Variants in ACVR1 observed in about 807,000 individuals in gnomAD.
The protein encoded by ACVR1 is activin A receptor type 1.
ACVR1 carries 38 observed loss-of-function variants against 57.1 expected under a neutral mutation model. The observed-to-expected ratio is 0.67, with a 90% CI of 0.51 to 0.87. The LOEUF (loss-of-function observed/expected upper bound fraction) is 0.87, where lower values mean the gene tolerates loss of function less well. Ranked by LOEUF, ACVR1 falls within the 40% of genes least tolerant of loss-of-function variation. The pLI is 0.00. For missense variants in ACVR1, 463 were observed against 638.2 expected, an observed-to-expected ratio of 0.73 and a Z score of 2.96; for synonymous variants, 212 against 228.1, an observed-to-expected ratio of 0.93 and a Z score of 0.63.
intron 5 of ACVR1, among the ~76,000 whole-genome samples, chr2:157,776,604 C>T (rs1686297047): frequency 6.6e-6 from 1 of 152,048 alleles, no homozygotes; most frequent in Admixed American, 6.5e-5. Flanking sequence ...TTTTACATAC[C>T]AAAAAGTGGC....
chr2:157,867,624 C>T (rs996786168), intron 1 of ACVR1, among the ~76,000 whole-genome samples: 2 of 151,742 alleles, frequency 1.3e-5, no homozygotes, highest in Non-Finnish European at 2.9e-5. Flanking sequence ...AGCAGCTGGA[C>T]ATTTCGATTT....
chr2:157,754,293 A>T (rs115908474), intron 9 of ACVR1, among the ~76,000 whole-genome samples: 2,813 of 152,274 alleles, frequency 0.018, 79 homozygotes, highest in African/African-American at 0.061. Context: ...GAAACAAAAA[A>T]TACAAAAGAT....
intron 1 of ACVR1, chr2:157,819,309 C>A (rs930637639): frequency 6.6e-6 from 1 of 151,804 alleles, no homozygotes; most frequent in Non-Finnish European, 1.5e-5. Flanking sequence ...AGTGAAACCC[C>A]GTCTGTACTA....
At chr2:157,826,014 G>A (rs552400158) in intron 1 of ACVR1, among the ~76,000 whole-genome samples, 1 of 152,290 alleles carries the variant, frequency 6.6e-6, no homozygotes, top group South Asian at 2.1e-4. Context: ...TGAGACATCC[G>A]TGTTGTAACT....
intron 1 of ACVR1, among the ~76,000 whole-genome samples, chr2:157,846,297 A>G (rs1268974911): frequency 6.6e-6 from 1 of 152,214 alleles, no homozygotes; most frequent in Non-Finnish European, 1.5e-5. Flanking sequence ...GGAAGAAAGT[A>G]AATTTGTGCT....
At chr2:157,776,631 C>G (rs1016132047) in intron 5 of ACVR1, among the ~76,000 whole-genome samples, 1 of 152,212 alleles carries the variant, frequency 6.6e-6, no homozygotes, top group Middle Eastern at 3.2e-3. Flanking sequence ...ATGGATGGGG[C>G]AGGCAGTAGA....
intron 9 of ACVR1, among the ~76,000 whole-genome samples, chr2:157,748,007 T>C (rs1282135632): frequency 6.6e-6 from 1 of 152,118 alleles, no homozygotes; most frequent in Non-Finnish European, 1.5e-5. Flanking sequence ...TAGAAAACAA[T>C]CAAAACATTC....
intron 3 of ACVR1, among the ~76,000 whole-genome samples, chr2:157,798,015 C>T (rs1481889592): frequency 6.6e-6 from 1 of 152,178 alleles, no homozygotes; most frequent in African/African-American, 2.4e-5. Flanking sequence ...ACTTCCCAGC[C>T]TCCAGGACTG....
chr2:157,795,095 A>G (rs1298237245), intron 3 of ACVR1, among the ~76,000 whole-genome samples: 2 of 152,098 alleles, frequency 1.3e-5, no homozygotes, highest in Non-Finnish European at 2.9e-5. Context: ...GCTTCATTAC[A>G]GCACAATTAA....
intron 1 of ACVR1, chr2:157,875,474 C>T (rs1181278591): frequency 1.4e-5 from 2 of 141,770 alleles, no homozygotes; most frequent in East Asian, 4.3e-4. Flanking sequence ...GTCGCACACC[C>T]TGAAGGAGTT....
chr2:157,838,088 TC>T (rs112565638), intron 1 of ACVR1, among the ~76,000 whole-genome samples: 2,984 of 150,836 alleles, frequency 0.02, 86 homozygotes, highest in African/African-American at 0.067. Context: ...AGAAAGCTTT[TC>T]CCCCCCTCCC....
At chr2:157,819,879 T>A (rs976075186) in intron 1 of ACVR1, among the ~76,000 whole-genome samples, 3 of 152,206 alleles carry the variant, frequency 2.0e-5, no homozygotes, top group African/African-American at 7.2e-5. Flanking sequence ...ATTCAAATAG[T>A]TAAGTAACAC....
At chr2:157,781,995 G>A (rs1686541452) in intron 3 of ACVR1, among the ~76,000 whole-genome samples, 1 of 152,198 alleles carries the variant, frequency 6.6e-6, no homozygotes, top group Non-Finnish European at 1.5e-5. Context: ...TCAGTAGTGG[G>A]TCTAGGAGAT....
intron 2 of ACVR1, among the ~76,000 whole-genome samples, chr2:157,807,663 T>C (rs562642294): frequency 1.3e-5 from 2 of 152,164 alleles, no homozygotes; most frequent in African/African-American, 4.8e-5. Context: ...ATCCCGCTTC[T>C]TCCCAAAGTC....
At chr2:157,855,129 G>A (rs983043829) in intron 1 of ACVR1, among the ~76,000 whole-genome samples, 3 of 150,968 alleles carry the variant, frequency 2.0e-5, no homozygotes, top group Non-Finnish European at 3.0e-5. Context: ...AAATGCCAAC[G>A]AACTGGCCAG....
At chr2:157,840,340 C>T (rs148599791) in intron 1 of ACVR1, among the ~76,000 whole-genome samples, 59 of 152,278 alleles carry the variant, frequency 3.9e-4, no homozygotes, top group African/African-American at 1.3e-3. Context: ...CACCTGCAAA[C>T]GCAAACGAAC....
chr2:157,852,513 G>T, intron 1 of ACVR1, among the ~76,000 whole-genome samples: 1 of 130,526 alleles, frequency 7.7e-6, no homozygotes, highest in Non-Finnish European at 1.7e-5. Context: ...AAAAAAAAAA[G>T]AAAAAAAAAA....
intron 1 of ACVR1, among the ~76,000 whole-genome samples, chr2:157,822,821 G>A (rs1037916187): frequency 3.3e-5 from 5 of 152,154 alleles, no homozygotes; most frequent in African/African-American, 1.2e-4. Flanking sequence ...TTGCAAAACC[G>A]AAAATATTTA....
intron 1 of ACVR1, among the ~76,000 whole-genome samples, chr2:157,865,825 T>TAGATAGAC (rs1249076154): frequency 8.6e-6 from 1 of 116,558 alleles, no homozygotes; most frequent in Non-Finnish European, 1.7e-5. Context: ...AGAAAAAAGA[T>TAGATAGAC]AGATAGATAG....
Sources: gnomAD v4.1 joint callset for allele counts (sites outside exome capture counted in the v4.1 genomes callset) on GRCh38, gnomAD v4.1.1 for gene constraint, MANE v1.5 for transcripts, NCBI Gene and HGNC (gene_info 2026-07-23, HGNC 2026-07-21) for gene names.